The following MARK4 variants were observed in gnomAD, a reference collection of about 807,000 sequenced individuals.
MARK4 encodes microtubule affinity regulating kinase 4, also known as MAP/microtubule affinity-regulating kinase 4.
In MARK4, 19 loss-of-function variants were observed where a neutral mutation model predicts 81.5. That is an observed-to-expected ratio of 0.23 (90% CI 0.16 to 0.34). MARK4 has a LOEUF of 0.34. Ranked by LOEUF, MARK4 falls within the 10% of genes least tolerant of loss-of-function variation. The pLI, the probability that MARK4 is intolerant of heterozygous loss-of-function variation, is 1.00. For synonymous variants in MARK4, 436 were observed against 439.0 expected, an observed-to-expected ratio of 0.99 and a Z score of 0.08; for missense variants, 772 against 1,058.8, an observed-to-expected ratio of 0.73 and a Z score of 3.76.
In MARK4 at chr19:45,264,850, T is replaced by C. The variant is rs1568492182; in HGVS notation, c.432T>C (p.Phe144=). The change falls in exon 6 of 17, where the codon TTT becomes TTC. Residue 144 remains phenylalanine (F), a synonymous_variant. Transcript: ENST00000262891. ...GCCTCTGCCCTGCAGGAGAAGTGTT[T>C]GACTACCTCGTGTCGCATGGCCGCA... ...VMEYASAGEV[F]DYLVSHGRMK... 6.2e-7 allele frequency: 1 copy of C among 1,614,150 alleles called. No individual in the cohort carries two copies.
chr19:45,263,420 G>A lies in MARK4; in HGVS notation c.355+53G>A, dbSNP rs1260023611. On this transcript the variant is annotated intron_variant, in intron 4 of 16. Transcript: ENST00000262891. The stretch of plus-strand genomic sequence containing the variant: ...GCCACCAACTGGAACACTTGCAAAG[G>A]AGTTGGGGGTGGTGGCAGTGGTTAG... 4.2e-5 allele frequency: 67 copies of A among 1,610,248 alleles called. No individual in the cohort carries two copies. In the South Asian group the frequency reaches 6.8e-4, roughly 16 times the overall value.
chr19:45,261,889 C>T (rs887339796), intron 2 of MARK4, among the ~76,000 whole-genome samples: 19 of 150,506 alleles, frequency 1.3e-4, no homozygotes, highest in Non-Finnish European at 2.1e-4. Context: ...GCCAAGATTG[C>T]GCCATTGCAC....
At chr19:45,276,225 C>T (rs1336213432) in intron 8 of MARK4, among the ~76,000 whole-genome samples, 2 of 152,154 alleles carry the variant, frequency 1.3e-5, no homozygotes, top group Non-Finnish European at 2.9e-5. Context: ...CAGAGTCTCG[C>T]TGTGTTGCCC....
chr19:45,261,978 C>A (rs1970386694), intron 2 of MARK4, among the ~76,000 whole-genome samples: 2 of 151,888 alleles, frequency 1.3e-5, no homozygotes, highest in South Asian at 4.2e-4. Context: ...AAGGAGAGTT[C>A]AATGACATTC....
In MARK4 at chr19:45,258,873, T is replaced by C; in HGVS notation, c.52-116T>C. ...GAAGGATGCTTGGCTCTCTGGGGCC[T>C]GAGTTTGAAAAGGGCCACGGAGGGG... is the stretch of plus-strand genomic sequence containing the variant. On this transcript the variant is annotated intron_variant, in intron 1 of 16. Transcript: ENST00000262891. 5.4e-6 allele frequency: 6 copies of C among 1,107,642 alleles called. No individual in the cohort carries two copies. In the South Asian group the frequency reaches 8.2e-5, roughly 15 times the overall value. The allele number at this position is 1,107,642 out of a possible 1,614,324, so 68.6% of individuals were successfully genotyped here.
rs1037118437 is a variant in MARK4, at chr19:45,302,237, C to T, written c.1923-137C>T. ...CAGCTCTGTATCCAGTTGAAACTGT[C>T]GCTGGGGTAACAGGGGAAGATGTTT... is the stretch of plus-strand genomic sequence containing the variant. On this transcript the variant is annotated intron_variant, in intron 16 of 16. Transcript: ENST00000262891. This position sits in a 1 kb window ranked among gnomAD's most constrained non-coding sequence, Gnocchi z 4.9. 4 of 1,535,080 alleles carry T rather than the reference C, an allele frequency of 2.6e-6. No homozygotes were observed. The highest frequency in any genetic ancestry group is 1.3e-5 in the South Asian group (1 of 79,444).
At chr19:45,259,953 G>A (rs1040984950) in intron 2 of MARK4, among the ~76,000 whole-genome samples, 1 of 151,188 alleles carries the variant, frequency 6.6e-6, no homozygotes. Flanking sequence ...TGGGCGTGGT[G>A]GCACATGCCT....
At position 45,251,377 on chromosome 19, in the gene MARK4, C is replaced by CG. The variant is rs1970236876; in HGVS notation, c.-208dup. On this transcript the variant is annotated 5_prime_UTR_variant, in exon 1 of 17. It removes the in-frame stop codon of an upstream open reading frame in the 5' UTR. Coordinates refer to ENST00000262891, the MANE Select transcript of MARK4 (RefSeq NM_001199867.2). ...GCCTGCCCGCCGCCCCCATGGCGCC[C>CG]GGGGTCCCCGCTGCACGGGGCCACT... 4.2e-6 allele frequency: 1 copy of CG among 238,990 alleles called. No individual in the cohort carries two copies. The allele number at this position is 238,990 out of a possible 1,614,324, so 14.8% of individuals were successfully genotyped here. A position where few individuals can be genotyped will look rare whatever the true frequency, so the allele number is the denominator to read the frequency against.
At chr19:45,291,184 A>G (rs1970815963) in intron 13 of MARK4, among the ~76,000 whole-genome samples, 1 of 152,132 alleles carries the variant, frequency 6.6e-6, no homozygotes, top group South Asian at 2.1e-4. Context: ...AGGGCCAAAG[A>G]AGGAGAGGAT....
intron 2 of MARK4, among the ~76,000 whole-genome samples, chr19:45,261,489 A>G (rs1334978424): frequency 6.6e-6 from 1 of 152,228 alleles, no homozygotes; most frequent in African/African-American, 2.4e-5. Context: ...AAAGTGTTTG[A>G]TAAAATTTTT....
Position 45,305,226 on chromosome 19 carries a change from C to T in MARK4, c.*2516C>T, listed in dbSNP as rs959294246. On this transcript the variant is annotated 3_prime_UTR_variant, in exon 17 of 17. Coordinates refer to ENST00000262891, the MANE Select transcript of MARK4 (RefSeq NM_001199867.2). ...CACTGGCGTGTGTGGTCTATGTAGC[C>T]TCTGGGTGTGGAGCTGGGATCTTCA... 2 of 152,368 alleles carry T rather than the reference C, an allele frequency of 1.3e-5. No individual in the cohort carries two copies. The highest frequency in any genetic ancestry group is 4.8e-5 in the African/African-American group (2 of 41,414). 9.4% of individuals were successfully genotyped at this position (152,368 alleles called of 1,614,324 possible).
intron 12 of MARK4, among the ~76,000 whole-genome samples, chr19:45,281,367 C>CTTTT (rs71173137): frequency 1.5e-5 from 2 of 132,076 alleles, no homozygotes; most frequent in Non-Finnish European, 1.6e-5. Flanking sequence ...TCTTTTCTTT[C>CTTTT]TTTTTTTTTT....
At chr19:45,300,031 AGCACCTTC>A (rs1970946941) in intron 16 of MARK4, among the ~76,000 whole-genome samples, 176 bp downstream of exon 16, 1 of 152,140 alleles carries the variant, frequency 6.6e-6, no homozygotes. Context: ...CCCAACCCCA[AGCACCTTC>A]CCTTGATCAT....
chr19:45,259,299 T>C, intron 2 of MARK4, 110 bp downstream of exon 2: 2 of 1,215,890 alleles, frequency 1.6e-6, no homozygotes, highest in Non-Finnish European at 2.3e-6. Flanking sequence ...TGGCCTCAGG[T>C]AAGTTCCCGA....
rs1353823381 is a variant in MARK4 at position 45,299,450 on chromosome 19, T to A, written c.1878-361T>A. ...AAAAGGGCAGGCCTCACGAAGGAGG[T>A]GTTGTTTGAGCAAAGCATGAATGTA... On this transcript the variant is annotated intron_variant, in intron 15 of 16. Coordinates refer to ENST00000262891, the MANE Select transcript of MARK4 (RefSeq NM_001199867.2). 4.6e-5 allele frequency among the ~76,000 whole-genome samples: 7 copies of A among 151,588 alleles called. No homozygotes were observed. In the East Asian group the frequency reaches 1.4e-3, roughly 29 times the overall value.
chr19:45,297,706 C>T lies in MARK4; in HGVS notation c.1629C>T (p.Ser543=). 1 of 1,545,262 alleles carries T rather than the reference C, an allele frequency of 6.5e-7. No individual in the cohort carries two copies. ...SSGTPRVPPA[S]PSSHSLAPPS... ...GCACCCCACGGGTGCCCCCTGCCTC[C>T]CCCTCCAGTCACAGCCTGGCACCCC... Residue 543 remains serine, a synonymous_variant, in exon 15 of 17, where the codon TCC becomes TCT. Transcript: ENST00000262891.
At chr19:45,273,133 C>G (rs973580140) in intron 8 of MARK4, among the ~76,000 whole-genome samples, 4 of 144,718 alleles carry the variant, frequency 2.8e-5, no homozygotes, top group African/African-American at 1.0e-4. Context: ...TTGTTGCTTG[C>G]TTTTTTTTTT....
In MARK4 at chr19:45,298,036, C is replaced by T. The variant is rs1970912975; in HGVS notation, c.1877+82C>T. 13 of 1,552,038 alleles carry T rather than the reference C, an allele frequency of 8.4e-6. No homozygotes were observed. In the East Asian group the frequency reaches 2.9e-4, roughly 34 times the overall value. ...CCTGTCTTCCACTCTGCTCTGTCTC[C>T]TGTACCCCAACATTTCCTCTTCCTC... is the stretch of plus-strand genomic sequence containing the variant. On this transcript the variant is annotated intron_variant, in intron 15 of 16. Coordinates refer to ENST00000262891, the MANE Select transcript of MARK4 (RefSeq NM_001199867.2).
At position 45,271,779 on chromosome 19, in the gene MARK4, C is replaced by T. The variant is rs973216044; in HGVS notation, c.786+71C>T. 5.7e-6 allele frequency: 8 copies of T among 1,412,246 alleles called. No individual in the cohort carries two copies. The African/African-American group carries it at 1.0e-4, about 18-fold the overall frequency. 87.5% of individuals were successfully genotyped at this position (1,412,246 alleles called of 1,614,324 possible). On this transcript the variant is annotated intron_variant, in intron 8 of 16. Coordinates refer to ENST00000262891, the MANE Select transcript of MARK4 (RefSeq NM_001199867.2). The surrounding 1 kb of genome is among the most constrained non-coding windows in gnomAD (Gnocchi z 4.1). The stretch of plus-strand genomic sequence containing the variant: ...TCAGGCCCCTATCCCCCCCACACCT[C>T]CCCTGCAGAGGGCCTCAGTGGTGGG...
Sources: gnomAD v4.1 joint callset for allele counts (sites outside exome capture counted in the v4.1 genomes callset) on GRCh38, gnomAD v4.1.1 for gene constraint, Gnocchi (gnomAD v3.1) non-coding constraint, MANE v1.5 for transcripts, NCBI Gene and HGNC (gene_info 2026-07-23, HGNC 2026-07-21) for gene names.